SCMH1: variants seen among roughly 807,000 people sequenced by gnomAD.
SCMH1 encodes the protein Scm polycomb group protein homolog 1, also known as polycomb protein SCMH1.
SCMH1 carries 37 observed loss-of-function variants against 70.8 expected under a neutral mutation model. The observed-to-expected ratio is 0.52, with a 90% CI of 0.40 to 0.69. The LOEUF is 0.69. SCMH1 is among the 30% of genes least tolerant of loss of function. The probability of loss-of-function intolerance (pLI) is 0.00; values close to 1 mark genes in which losing one functional copy is unlikely to be tolerated. For missense variants in SCMH1, 607 were observed against 827.3 expected (o/e 0.73, Z 3.27); for synonymous variants, 292 against 307.4 (o/e 0.95, Z 0.52).
At chr1:41,136,640 G>A (rs1643379728) in intron 6 of SCMH1, among the ~76,000 whole-genome samples, 1 of 151,950 alleles carries the variant, frequency 6.6e-6, no homozygotes, top group Non-Finnish European at 1.5e-5. Flanking sequence ...CGAAAGTGCT[G>A]GGATTACAGG....
intron 8 of SCMH1, among the ~76,000 whole-genome samples, chr1:41,083,922 TATGTAGAA>T (rs1231884927): frequency 6.6e-6 from 1 of 152,206 alleles, no homozygotes; most frequent in African/African-American, 2.4e-5. Context: ...TGGCTGGCCG[TATGTAGAA>T]AGCTGAAACT....
rs141156208 is a variant in SCMH1, at chr1:41,126,176, G to A, written c.413-9166C>T. 2.8e-3 allele frequency among the ~76,000 whole-genome samples: 426 copies of A among 152,124 alleles called. 1 individual carries two copies. Among genetic ancestry groups the A allele is most frequent in the Non-Finnish European group, 4.6e-3 (310 of 67,976 alleles). ...CTGCAAATTAGTCTCAGATAACCATGCCAAAACCACAAACATTATTAAGAA... is the reference window on the plus strand; with the variant it reads ...CTGCAAATTAGTCTCAGATAACCATACCAAAACCACAAACATTATTAAGAA... On this transcript the variant is annotated intron_variant, in intron 6 of 14. Transcript: ENST00000337495.
intron 12 of SCMH1, chr1:41,043,496 C>T (rs1646493865): frequency 6.6e-6 from 1 of 151,384 alleles, no homozygotes; most frequent in South Asian, 2.1e-4. Flanking sequence ...AATCGCTGCT[C>T]ACTGCAAGCT....
chr1:41,226,847 G>A (rs1441255196), intron 1 of SCMH1, among the ~76,000 whole-genome samples: 2 of 152,200 alleles, frequency 1.3e-5, no homozygotes, highest in Non-Finnish European at 2.9e-5. Flanking sequence ...GGGAGATCAA[G>A]GAAGGATTCC....
chr1:41,181,396 T>C (rs1235423153), intron 2 of SCMH1, among the ~76,000 whole-genome samples: 1 of 152,028 alleles, frequency 6.6e-6, no homozygotes, highest in East Asian at 1.9e-4. Flanking sequence ...GAAACTACCA[T>C]CAGAGTGAAC....
chr1:41,159,077 T>C lies in SCMH1; in HGVS notation c.106+1798A>G, dbSNP rs114198068. On this transcript the variant is annotated intron_variant, in intron 4 of 14. Coordinates refer to ENST00000337495, the Ensembl canonical transcript of SCMH1. The stretch of plus-strand genomic sequence containing the variant: ...ATTCAAAATGTTGAGTTTTAAATGC[T>C]GGGCAAGGGTAGATTATTTTATGGT... Among the ~76,000 whole-genome samples the C allele has an allele frequency of 4.6e-3, 696 of 152,314 alleles. 4 individuals are homozygous for C. The highest frequency in any genetic ancestry group is 6.0e-3 in the Non-Finnish European group (410 of 68,018).
chr1:41,101,687 GT>G (rs1553121924), intron 8 of SCMH1, among the ~76,000 whole-genome samples: 1 of 151,400 alleles, frequency 6.6e-6, no homozygotes, highest in African/African-American at 2.4e-5. Context: ...CAAGTCCGCT[GT>G]TTTTTTCAAG....
intron 4 of SCMH1, among the ~76,000 whole-genome samples, chr1:41,157,850 C>G (rs1181067010): frequency 1.3e-5 from 2 of 152,198 alleles, no homozygotes; most frequent in Admixed American, 6.5e-5. Context: ...CACATCATAT[C>G]ACCATAATTA....
chr1:41,156,376 T>G (rs1645545991), intron 4 of SCMH1, among the ~76,000 whole-genome samples: 1 of 152,238 alleles, frequency 6.6e-6, no homozygotes, highest in African/African-American at 2.4e-5. Context: ...TAGTGTTCCA[T>G]GTACCAAAAT....
chr1:41,088,184 G>A (rs540316071), intron 8 of SCMH1, among the ~76,000 whole-genome samples: 2 of 152,136 alleles, frequency 1.3e-5, no homozygotes, highest in African/African-American at 4.8e-5. Context: ...TGTGTAAGAA[G>A]GGTAGGAAAA....
At chr1:41,102,697 C>A (rs995108775) in intron 8 of SCMH1, among the ~76,000 whole-genome samples, 3 of 152,192 alleles carry the variant, frequency 2.0e-5, no homozygotes, top group African/African-American at 7.2e-5. Context: ...AAAGGTGCAA[C>A]TGACCTTAGT....
At chr1:41,035,927 T>C (rs1334253301) in intron 13 of SCMH1, among the ~76,000 whole-genome samples, 1 of 152,242 alleles carries the variant, frequency 6.6e-6, no homozygotes, top group African/African-American at 2.4e-5. Flanking sequence ...AGTCCCTTTT[T>C]TGCCAGAACT....
chr1:41,051,426 G>C (rs1648103271), intron 10 of SCMH1, among the ~76,000 whole-genome samples: 1 of 152,152 alleles, frequency 6.6e-6, no homozygotes, highest in Admixed American at 6.5e-5. Context: ...AAAGTTAAGT[G>C]TAAAACAGCC....
intron 1 of SCMH1, among the ~76,000 whole-genome samples, chr1:41,199,992 C>T (rs1653925257): frequency 6.6e-6 from 1 of 152,150 alleles, no homozygotes; most frequent in African/African-American, 2.4e-5. Context: ...TTATCATAGA[C>T]CATATACAGT....
chr1:41,039,415 T>C (rs1354593789), intron 12 of SCMH1, among the ~76,000 whole-genome samples: 1 of 152,118 alleles, frequency 6.6e-6, no homozygotes, highest in Non-Finnish European at 1.5e-5. Context: ...GTCCTAGTCC[T>C]GACAAGGCTG....
At chr1:41,055,358 C>CT (rs3216616) in intron 10 of SCMH1, among the ~76,000 whole-genome samples, 16,370 of 151,074 alleles carry the variant, frequency 0.11, 1,250 homozygotes, top group East Asian at 0.28. Context: ...TTCGGAATTT[C>CT]TTTTTTTTTG....
chr1:41,050,305 G>A (rs1335279186), intron 10 of SCMH1, among the ~76,000 whole-genome samples: 2 of 152,158 alleles, frequency 1.3e-5, no homozygotes, highest in African/African-American at 4.8e-5. Flanking sequence ...TTCTTGTGTG[G>A]TTGTGGCTCA....
intron 2 of SCMH1, among the ~76,000 whole-genome samples, chr1:41,183,963 T>G (rs1341627570): frequency 6.6e-6 from 1 of 152,208 alleles, no homozygotes; most frequent in African/African-American, 2.4e-5. Flanking sequence ...CTTACCATTT[T>G]TAATGGGTAC....
At chr1:41,202,669 C>A (rs574077772) in intron 1 of SCMH1, among the ~76,000 whole-genome samples, 74 of 152,176 alleles carry the variant, frequency 4.9e-4, no homozygotes, top group Admixed American at 7.9e-4. Context: ...TCAGTGAGGG[C>A]AGACTCACTA....
Sources: allele counts gnomAD v4.1 joint callset (sites outside exome capture counted in the v4.1 genomes callset), GRCh38; gene constraint gnomAD v4.1.1; transcripts MANE v1.5; gene names NCBI Gene and HGNC (gene_info 2026-07-23, HGNC 2026-07-21).